The following SLC35F4 variants were observed in gnomAD, a reference collection of about 807,000 sequenced individuals.
The protein encoded by SLC35F4 is chromosome 14 open reading frame 36.
A neutral mutation model predicts 44.2 loss-of-function variants in SLC35F4; 24 were observed. The observed-to-expected ratio is 0.54, with a 90% CI of 0.39 to 0.76. SLC35F4 has a LOEUF of 0.76. Among genes scored for constraint, SLC35F4 ranks in the 30% least tolerant of loss-of-function variants. The probability of loss-of-function intolerance (pLI) is 0.00; values close to 1 mark genes in which losing one functional copy is unlikely to be tolerated. For synonymous variants in SLC35F4, 238 were observed against 223.6 expected (o/e 1.06, Z -0.57); for missense variants, 562 against 586.1 (o/e 0.96, Z 0.42).
chr14:57,962,302 G>T (rs1407213005), intron 1 of SLC35F4, among the ~76,000 whole-genome samples: 1 of 152,166 alleles, frequency 6.6e-6, no homozygotes, highest in Non-Finnish European at 1.5e-5. Flanking sequence ...CTGTTGGAAA[G>T]GCAGTGAAAA....
chr14:57,820,271 A>G (rs1407257284), intron 1 of SLC35F4, among the ~76,000 whole-genome samples: 1 of 152,212 alleles, frequency 6.6e-6, no homozygotes, highest in Non-Finnish European at 1.5e-5. Context: ...TGTTCAGCCC[A>G]AATGTAAACA....
chr14:57,682,125 C>A (rs1006029959), intron 1 of SLC35F4, among the ~76,000 whole-genome samples: 1 of 152,060 alleles, frequency 6.6e-6, no homozygotes, highest in Non-Finnish European at 1.5e-5. Flanking sequence ...TAGCATTTGA[C>A]CCAGCAATCC....
At chr14:57,716,191 T>A (rs62005204) in intron 1 of SLC35F4, among the ~76,000 whole-genome samples, 4 of 152,010 alleles carry the variant, frequency 2.6e-5, no homozygotes, top group Admixed American at 6.6e-5. Flanking sequence ...GGGCATGGAC[T>A]CTGTCTCAAC....
intron 1 of SLC35F4, among the ~76,000 whole-genome samples, chr14:57,680,864 A>C (rs1377907052): frequency 6.6e-6 from 1 of 152,130 alleles, no homozygotes; most frequent in East Asian, 1.9e-4. Context: ...TCAAGTAAAT[A>C]AGAGAGGACA....
intron 1 of SLC35F4, among the ~76,000 whole-genome samples, chr14:57,726,166 C>G (rs2076198550): frequency 6.6e-6 from 1 of 152,132 alleles, no homozygotes; most frequent in Non-Finnish European, 1.5e-5. Context: ...GCACGGAATT[C>G]AGGAGATCCA....
intron 1 of SLC35F4, among the ~76,000 whole-genome samples, chr14:57,776,266 A>G (rs763068001): frequency 1.3e-5 from 2 of 152,196 alleles, no homozygotes; most frequent in Non-Finnish European, 2.9e-5. Flanking sequence ...CTAGCTAGAG[A>G]GGACAACATT....
intron 1 of SLC35F4, among the ~76,000 whole-genome samples, chr14:57,594,590 A>C (rs1239360115): frequency 6.6e-6 from 1 of 152,176 alleles, no homozygotes; most frequent in Non-Finnish European, 1.5e-5. Context: ...AGAAGATGGT[A>C]TTTGGATTGG....
upstream of SLC35F4, among the ~76,000 whole-genome samples, chr14:57,870,948 C>T (rs542553723): frequency 5.3e-5 from 8 of 152,340 alleles, no homozygotes; most frequent in African/African-American, 1.9e-4. Context: ...AGAAGCTGCT[C>T]AAGATCAGCA....
At chr14:57,576,935 A>C (rs533828010) in intron 4 of SLC35F4, among the ~76,000 whole-genome samples, 5 of 152,318 alleles carry the variant, frequency 3.3e-5, no homozygotes, top group African/African-American at 1.2e-4. Flanking sequence ...AAAATCGGAC[A>C]GCCAGCACAA....
intron 1 of SLC35F4, among the ~76,000 whole-genome samples, chr14:57,685,496 T>C (rs768362499): frequency 2.0e-5 from 3 of 152,328 alleles, no homozygotes; most frequent in African/African-American, 4.8e-5. Context: ...ACAGGTGATA[T>C]TCCCCAAGAG....
At chr14:57,632,220 G>A (rs1490296515) in intron 1 of SLC35F4, among the ~76,000 whole-genome samples, 1 of 152,040 alleles carries the variant, frequency 6.6e-6, no homozygotes, top group African/African-American at 2.4e-5. Flanking sequence ...GTAGTTTGCA[G>A]TTCTAGCAAA....
chr14:57,974,854 T>G (rs1332310694), downstream of SLC35F4, among the ~76,000 whole-genome samples: 1 of 152,184 alleles, frequency 6.6e-6, no homozygotes, highest in Non-Finnish European at 1.5e-5. Flanking sequence ...TTATAAGAAT[T>G]CATTATCATC....
At chr14:57,693,789 C>T (rs75369304) in intron 1 of SLC35F4, among the ~76,000 whole-genome samples, 22,205 of 152,042 alleles carry the variant, frequency 0.15, 1,883 homozygotes, top group East Asian at 0.29. Flanking sequence ...GAGCTGGTCT[C>T]GGCAATTTGT....
At chr14:57,978,907 G>A (rs1881293237) in intron 1 of SLC35F4, among the ~76,000 whole-genome samples, 1 of 152,206 alleles carries the variant, frequency 6.6e-6, no homozygotes, top group South Asian at 2.1e-4. Flanking sequence ...TACTGTATTG[G>A]TGGAAGTGAG....
chr14:57,768,669 A>G (rs1221052153), intron 1 of SLC35F4, among the ~76,000 whole-genome samples: 2 of 152,198 alleles, frequency 1.3e-5, no homozygotes, highest in African/African-American at 2.4e-5. Flanking sequence ...CATAAATTAT[A>G]TATGGAATGA....
At chr14:57,908,556 CAT>C (rs1390944055) in intron 1 of SLC35F4, among the ~76,000 whole-genome samples, 1 of 152,078 alleles carries the variant, frequency 6.6e-6, no homozygotes, top group Non-Finnish European at 1.5e-5. Flanking sequence ...AGCTTTTTTT[CAT>C]ATGTTTGTTG....
At chr14:57,629,412 C>T (rs1044202139) in intron 1 of SLC35F4, among the ~76,000 whole-genome samples, 5 of 152,022 alleles carry the variant, frequency 3.3e-5, no homozygotes, top group African/African-American at 1.2e-4. Context: ...TGAAGCATTG[C>T]CTTTCTAAAG....
At chr14:57,787,593 G>A (rs750332061) in intron 1 of SLC35F4, among the ~76,000 whole-genome samples, 8 of 152,190 alleles carry the variant, frequency 5.3e-5, no homozygotes, top group Non-Finnish European at 1.0e-4. Context: ...AGAAGGGATT[G>A]GGGCCTATCT....
In SLC35F4 at chr14:57,962,310, A is replaced by C. The variant is rs151182296; in HGVS notation, n.282+19603T>G. Among the ~76,000 whole-genome samples the C allele has an allele frequency of 6.9e-3, 1,052 of 152,328 alleles. 40 individuals carry two copies. The highest frequency in any genetic ancestry group is 0.062 in the Admixed American group (947 of 15,302). On this transcript the variant is annotated intron_variant and non_coding_transcript_variant, in intron 1 of 1. Transcript: ENST00000556568. ...GGGTGGTCTGTTGGAAAGGCAGTGA[A>C]AAACAAGAACCAAGTAGACAGAACT...
Sources: gnomAD v4.1 joint callset for allele counts (sites outside exome capture counted in the v4.1 genomes callset) on GRCh38, gnomAD v4.1.1 for gene constraint, MANE v1.5 for transcripts, NCBI Gene and HGNC (gene_info 2026-07-23, HGNC 2026-07-21) for gene names.